The following ADGB variants were observed in gnomAD, a reference collection of about 807,000 sequenced individuals.
ADGB encodes the protein androglobin, also known as calpain-7-like protein.
A neutral mutation model predicts 210.5 loss-of-function variants in ADGB; 172 were observed. That is an observed-to-expected ratio of 0.82 (90% CI 0.72 to 0.93). The LOEUF is 0.93. Ranked by LOEUF, ADGB falls within the 40% of genes least tolerant of loss-of-function variation. The probability of loss-of-function intolerance (pLI) is 0.00; values close to 1 mark genes in which losing one functional copy is unlikely to be tolerated. For missense variants in ADGB, 2,025 were observed against 1,964.8 expected, an observed-to-expected ratio of 1.03 and a Z score of -0.58; for synonymous variants, 658 against 662.7, an observed-to-expected ratio of 0.99 and a Z score of 0.11.
At chr6:146,783,388 C>T (rs946784095) in intron 30 of ADGB, among the ~76,000 whole-genome samples, 1 of 152,016 alleles carries the variant, frequency 6.6e-6, no homozygotes, top group African/African-American at 2.4e-5. Context: ...TGAAGTCTAC[C>T]CTTAGAAGTA....
intron 35 of ADGB, among the ~76,000 whole-genome samples, chr6:146,814,635 C>T (rs1313518585): frequency 1.3e-5 from 2 of 152,194 alleles, no homozygotes; most frequent in African/African-American, 2.4e-5. Context: ...TCATCAAGTA[C>T]AGCTCAGATA....
At chr6:146,631,760 A>G (rs1781069107) in intron 1 of ADGB, among the ~76,000 whole-genome samples, 1 of 152,100 alleles carries the variant, frequency 6.6e-6, no homozygotes, top group Admixed American at 6.6e-5. Flanking sequence ...GAGAGTACTG[A>G]GTAGTATAAA....
chr6:146,743,447 A>C lies in ADGB; in HGVS notation c.3177+2176A>C, dbSNP rs369462941. ...CATTGTAGACATCCCTCTCTAGATT[A>C]AACTTGAATTTTTCGGATAGTTCTA... is the stretch of plus-strand genomic sequence containing the variant. On this transcript the variant is annotated intron_variant, in intron 25 of 35. Transcript: ENST00000397944. Among the ~76,000 whole-genome samples, 23 of 152,330 alleles carry C rather than the reference A, an allele frequency of 1.5e-4. No homozygotes were observed. In the East Asian group the frequency reaches 3.3e-3, roughly 22 times the overall value.
At chr6:146,733,021 G>GT (rs1461548590) in intron 20 of ADGB, 99 bp from the exon 21 acceptor site, 2 of 999,492 alleles carry the variant, frequency 2.0e-6, no homozygotes, top group East Asian at 5.7e-5. Flanking sequence ...CTGAGAAATG[G>GT]TTTTTATTTT....
chr6:146,633,853 A>G (rs1382903731), intron 1 of ADGB, among the ~76,000 whole-genome samples: 1 of 150,544 alleles, frequency 6.6e-6, no homozygotes, highest in Non-Finnish European at 1.5e-5. Context: ...CTAGTAAACT[A>G]AGGCTAATTT....
chr6:146,598,991 C>A lies in ADGB; in HGVS notation c.-50C>A. 6.6e-7 allele frequency: 1 copy of A among 1,504,158 alleles called. No homozygotes were observed. The highest frequency in any genetic ancestry group is 9.1e-7 in the Non-Finnish European group (1 of 1,104,642). 93.2% of individuals were successfully genotyped at this position (1,504,158 alleles called of 1,614,324 possible). On this transcript the variant is annotated 5_prime_UTR_variant, in exon 1 of 36. Transcript: ENST00000397944. ...CAACGCAGACGCGGAGCCGAGCGCG[C>A]CCGCAGGCTCTTTGCTCAGAGCTCA... is the stretch of plus-strand genomic sequence containing the variant.
At chr6:146,625,519 G>A (rs183249953) in intron 1 of ADGB, among the ~76,000 whole-genome samples, 1 of 152,112 alleles carries the variant, frequency 6.6e-6, no homozygotes, top group Non-Finnish European at 1.5e-5. Flanking sequence ...GAAATGTGAG[G>A]TGTTTGGGTC....
At chr6:146,716,214 C>T (rs1776730912) in intron 14 of ADGB, among the ~76,000 whole-genome samples, 2 of 152,062 alleles carry the variant, frequency 1.3e-5, no homozygotes, top group South Asian at 4.1e-4. Flanking sequence ...TCTGAGCCAC[C>T]CCCTCCTATA....
chr6:146,746,130 G>A, intron 26 of ADGB, 21 bp downstream of exon 26: 1 of 1,432,810 alleles, frequency 7.0e-7, no homozygotes, highest in Non-Finnish European at 9.4e-7. Context: ...ATGACAGAAG[G>A]GGAAAGGCAT....
In ADGB at chr6:146,778,477, AT is replaced by A. The variant is rs1197406149; in HGVS notation, c.3863-3542del. Among the ~76,000 whole-genome samples, 4 of 152,144 alleles carry A rather than the reference AT, an allele frequency of 2.6e-5. No individual in the cohort carries two copies. The East Asian group carries it at 7.7e-4, about 29-fold the overall frequency. ...GTTTCTGAGAAAAGTTTATTTTAAT[AT>A]GTGGTTTTCTATAAAAATCTTTGTT... On this transcript the variant is annotated intron_variant, in intron 29 of 35. Transcript: ENST00000397944.
intron 11 of ADGB, among the ~76,000 whole-genome samples, chr6:146,691,491 T>TAA (rs1776324762): frequency 1.2e-4 from 2 of 17,196 alleles, no homozygotes; most frequent in African/African-American, 7.4e-4. Context: ...TATATATATA[T>TAA]ATATATATAT....
rs111514296 is a variant in ADGB, at chr6:146,650,995, C to T, written c.331-3140C>T. Among the ~76,000 whole-genome samples, 970 of 152,290 alleles carry T rather than the reference C, an allele frequency of 6.4e-3. 7 individuals carry two copies. Among genetic ancestry groups the T allele is most frequent in the African/African-American group, 0.022 (908 of 41,552 alleles). ...GACAGCTAGAGAAACCAGATGGCAG[C>T]GACAGAGGATTTTTAGGTGCATTCC... On this transcript the variant is annotated intron_variant, in intron 3 of 35. Transcript: ENST00000397944.
chr6:146,794,726 T>A (rs189633441), intron 33 of ADGB, among the ~76,000 whole-genome samples: 2 of 152,004 alleles, frequency 1.3e-5, no homozygotes, highest in South Asian at 4.2e-4. Context: ...TAGAAAAAAA[T>A]TATTAAAATG....
intron 28 of ADGB, among the ~76,000 whole-genome samples, chr6:146,766,203 A>C (rs1777571364): frequency 1.3e-5 from 2 of 151,958 alleles, no homozygotes; most frequent in East Asian, 3.9e-4. Flanking sequence ...CTGGTAGATC[A>C]CTTGAGACTA....
Position 146,786,732 on chromosome 6 carries a change from A to G in ADGB, c.4315+1020A>G, listed in dbSNP as rs552071233. ...TCTAACTCAAGTACTCACTCCTCTA[A>G]TAGAGTCTAATGTAATGCTAGGAAA... On this transcript the variant is annotated intron_variant, in intron 32 of 35. Coordinates refer to ENST00000397944, the MANE Select transcript of ADGB (RefSeq NM_024694.4). Among the ~76,000 whole-genome samples, 6 of 152,300 alleles carry G rather than the reference A, an allele frequency of 3.9e-5. No individual in the cohort carries two copies. The South Asian group carries it at 8.3e-4, about 21-fold the overall frequency.
intron 35 of ADGB, among the ~76,000 whole-genome samples, chr6:146,804,630 A>G (rs1209249792): frequency 6.6e-6 from 1 of 152,152 alleles, no homozygotes; most frequent in Admixed American, 6.6e-5. Context: ...AAATATATCC[A>G]ACATATATAT....
intron 19 of ADGB, among the ~76,000 whole-genome samples, chr6:146,726,836 G>C (rs190949191): frequency 1.1e-4 from 17 of 152,098 alleles, no homozygotes; most frequent in African/African-American, 3.1e-4. Context: ...CTTTTTAATA[G>C]AGTTTAAAAT....
chr6:146,683,123 A>C (rs1419333765), intron 9 of ADGB, among the ~76,000 whole-genome samples: 2 of 152,110 alleles, frequency 1.3e-5, no homozygotes, highest in Non-Finnish European at 2.9e-5. Context: ...GGGATGACAC[A>C]GCAAAAAGTT....
intron 9 of ADGB, among the ~76,000 whole-genome samples, chr6:146,677,448 G>A (rs184403655): frequency 1.3e-5 from 2 of 151,892 alleles, no homozygotes; most frequent in East Asian, 3.9e-4. Flanking sequence ...AATAATTATG[G>A]CTTTTTATTT....
Sources: gnomAD v4.1 joint callset for allele counts (sites outside exome capture counted in the v4.1 genomes callset) on GRCh38, gnomAD v4.1.1 for gene constraint, MANE v1.5 for transcripts, NCBI Gene and HGNC (gene_info 2026-07-23, HGNC 2026-07-21) for gene names.